The following HELZ variants were observed in gnomAD, a reference collection of about 807,000 sequenced individuals.
HELZ encodes helicase with zinc finger.
Under a neutral mutation model 218.2 loss-of-function variants are expected in HELZ, and 23 were observed. The observed-to-expected ratio is 0.11, with a 90% CI of 0.08 to 0.15. The LOEUF (loss-of-function observed/expected upper bound fraction) is 0.15. HELZ is among the 10% of genes least tolerant of loss of function. The pLI is 1.00. For missense variants in HELZ, 1,813 were observed against 2,353.7 expected, an observed-to-expected ratio of 0.77 and a Z score of 4.75; for synonymous variants, 814 against 829.4, an observed-to-expected ratio of 0.98 and a Z score of 0.32.
chr17:67,118,302 T>C (rs2037489884), intron 27 of HELZ, among the ~76,000 whole-genome samples: 2 of 152,158 alleles, frequency 1.3e-5, no homozygotes, highest in Non-Finnish European at 2.9e-5. Context: ...TGAACATACA[T>C]ATACAAAACT....
chr17:67,244,945 G>A, intron 1 of HELZ: 1 of 985,946 alleles, frequency 1.0e-6, no homozygotes, highest in Non-Finnish European at 1.2e-6. Flanking sequence ...GGAAGAAGCT[G>A]TAAACAGCCC....
intron 3 of HELZ, among the ~76,000 whole-genome samples, chr17:67,221,893 G>A (rs1455387686): frequency 6.6e-6 from 1 of 151,046 alleles, no homozygotes; most frequent in African/African-American, 2.4e-5. Context: ...GCCCATGCTG[G>A]GAGTGTAGTC....
chr17:67,194,714 T>C (rs534975024), intron 8 of HELZ, among the ~76,000 whole-genome samples: 4 of 152,144 alleles, frequency 2.6e-5, no homozygotes, highest in Non-Finnish European at 4.4e-5. Context: ...TTTATAGAGG[T>C]TGAGCAGCAA....
intron 3 of HELZ, among the ~76,000 whole-genome samples, chr17:67,235,749 C>CTTTTTTTTTTTTTT (rs1216322685): frequency 1.3e-5 from 1 of 78,670 alleles, no homozygotes; most frequent in Non-Finnish European, 2.3e-5. Flanking sequence ...ACCACACACT[C>CTTTTTTTTTTTTTT]TTTTTTTTTT....
At chr17:67,166,237 T>C (rs1451886176) in intron 15 of HELZ, among the ~76,000 whole-genome samples, 8 of 152,210 alleles carry the variant, frequency 5.3e-5, no homozygotes, top group Non-Finnish European at 4.4e-5. Context: ...CCTAAATTGC[T>C]TGGCATCCTA....
chr17:67,203,145 G>A (rs1205688244), intron 6 of HELZ, among the ~76,000 whole-genome samples, 174 bp downstream of exon 6: 2 of 151,702 alleles, frequency 1.3e-5, no homozygotes, highest in Non-Finnish European at 2.9e-5. Flanking sequence ...AACAAAAAAA[G>A]AAAAGAAAGA....
intron 13 of HELZ, among the ~76,000 whole-genome samples, chr17:67,177,776 T>C (rs1567866622): frequency 6.6e-6 from 1 of 152,158 alleles, no homozygotes; most frequent in Non-Finnish European, 1.5e-5. Flanking sequence ...TTTTCAAAAG[T>C]TAGATCATAA....
At chr17:67,146,056 A>C (rs2038487140) in intron 20 of HELZ, among the ~76,000 whole-genome samples, 166 bp from the exon 21 acceptor site, 1 of 152,192 alleles carries the variant, frequency 6.6e-6, no homozygotes, top group South Asian at 2.1e-4. Context: ...TCCATAAATA[A>C]CAAGAGTAGG....
chr17:67,165,976 A>AT (rs929839578), intron 15 of HELZ, among the ~76,000 whole-genome samples: 1 of 151,946 alleles, frequency 6.6e-6, no homozygotes, highest in African/African-American at 2.4e-5. Flanking sequence ...ACAAAAAAAA[A>AT]TTTTTTTTAA....
At chr17:67,234,331 A>AC (rs1491277503) in intron 3 of HELZ, among the ~76,000 whole-genome samples, 9 of 150,822 alleles carry the variant, frequency 6.0e-5, no homozygotes, top group African/African-American at 2.2e-4. Flanking sequence ...AAAAAAAAAA[A>AC]CACAGAGATA....
At position 67,199,460 on chromosome 17, in the gene HELZ, G is replaced by A. The variant is rs373730678; in HGVS notation, c.429+1669C>T. ...ACTCCCGACCTCAGGTGATCTGCCC[G>A]CCTTGGCCTCCCAAAGTGCTGGGAT... On this transcript the variant is annotated intron_variant, in intron 7 of 32. Coordinates refer to ENST00000358691, the MANE Select transcript of HELZ (RefSeq NM_014877.4). Among the ~76,000 whole-genome samples, 14 of 152,162 alleles carry A rather than the reference G, an allele frequency of 9.2e-5. No individual in the cohort carries two copies. The South Asian group carries it at 1.7e-3, about 18-fold the overall frequency.
chr17:67,101,138 A>C (rs1426468619), intron 31 of HELZ, among the ~76,000 whole-genome samples: 1 of 151,316 alleles, frequency 6.6e-6, no homozygotes, highest in Non-Finnish European at 1.5e-5. Context: ...GGAAAAATAG[A>C]AGAAGAGAGA....
intron 12 of HELZ, among the ~76,000 whole-genome samples, chr17:67,186,160 C>CAA (rs148232048): frequency 2.3e-4 from 34 of 147,904 alleles, no homozygotes; most frequent in South Asian, 6.4e-4. Flanking sequence ...AATAAAGAAA[C>CAA]AAAAAAAAAA....
Position 67,078,323 on chromosome 17 carries a change from G to A in HELZ, c.5758C>T (p.Leu1920=). The stretch of plus-strand genomic sequence containing the variant: ...AGGCTCAGTTCCTGGAAGAGAGACA[G>A]AGGGTCGCTACTCTTCTTGGCCTGC... ...PEQAKKSSDP[L]SLFQELSLGS... Residue 1920 remains leucine (L), a synonymous_variant, in exon 33 of 33, where the codon CTG becomes TTG. Coordinates refer to ENST00000358691, the MANE Select transcript of HELZ (RefSeq NM_014877.4). 1 of 1,614,120 alleles carries A rather than the reference G, an allele frequency of 6.2e-7. No individual in the cohort carries two copies. The highest frequency in any genetic ancestry group is 1.1e-5 in the South Asian group (1 of 91,084).
chr17:67,090,987 C>T (rs2036559251), intron 31 of HELZ, among the ~76,000 whole-genome samples: 2 of 151,922 alleles, frequency 1.3e-5, no homozygotes, highest in African/African-American at 4.8e-5. Context: ...TGAGATCTTA[C>T]TTCTTTTCTA....
chr17:67,081,303 T>C (rs929326549), intron 32 of HELZ, among the ~76,000 whole-genome samples: 4 of 152,196 alleles, frequency 2.6e-5, no homozygotes, highest in African/African-American at 9.6e-5. Context: ...TGGGGTCTCT[T>C]TGGGACAACA....
At chr17:67,107,980 T>A (rs2037160828) in intron 30 of HELZ, among the ~76,000 whole-genome samples, 1 of 152,192 alleles carries the variant, frequency 6.6e-6, no homozygotes. Flanking sequence ...TGGTGGACCT[T>A]ATTCAGAAGG....
At chr17:67,197,768 T>C (rs1474356987) in intron 7 of HELZ, among the ~76,000 whole-genome samples, 5 of 152,212 alleles carry the variant, frequency 3.3e-5, no homozygotes, top group African/African-American at 4.8e-5. Context: ...GTTGATTAAA[T>C]TGTACTTTTT....
chr17:67,160,091 A>C (rs1269817658), intron 17 of HELZ, among the ~76,000 whole-genome samples, 170 bp downstream of exon 17: 2 of 152,204 alleles, frequency 1.3e-5, no homozygotes, highest in Non-Finnish European at 2.9e-5. Context: ...GAATAGTCAA[A>C]GATTTTTACA....
Sources: allele counts gnomAD v4.1 joint callset (sites outside exome capture counted in the v4.1 genomes callset), GRCh38; gene constraint gnomAD v4.1.1; transcripts MANE v1.5; gene names NCBI Gene and HGNC (gene_info 2026-07-23, HGNC 2026-07-21).